The following CEP250 variants were observed in gnomAD, a reference collection of about 807,000 sequenced individuals.
CEP250 encodes centrosomal protein 250.
Under a neutral mutation model 315.7 loss-of-function variants are expected in CEP250, and 242 were observed. The observed-to-expected ratio is 0.77, with a 90% CI of 0.69 to 0.85. The LOEUF is 0.85. CEP250 is among the 40% of genes least tolerant of loss of function. CEP250 has a pLI of 0.00. For synonymous variants in CEP250, 1,088 were observed against 1,175.0 expected (o/e 0.93, Z 1.51); for missense variants, 2,515 against 2,886.4 (o/e 0.87, Z 2.95).
At chr20:35,487,586 C>CTGAATGCTTTATT (rs1201496911) in intron 20 of CEP250, among the ~76,000 whole-genome samples, 4 of 152,054 alleles carry the variant, frequency 2.6e-5, no homozygotes, top group African/African-American at 9.7e-5. Flanking sequence ...CCTCCCCATG[C>CTGAATGCTTTATT]CAAGCACCAT....
At chr20:35,470,719 C>G (rs2063004777) in intron 10 of CEP250, among the ~76,000 whole-genome samples, 1 of 152,180 alleles carries the variant, frequency 6.6e-6, no homozygotes, top group Non-Finnish European at 1.5e-5. Flanking sequence ...TGCCATTGCA[C>G]TACAGCCTGG....
Position 35,462,549 on chromosome 20 carries a change from C to A in CEP250, c.182C>A (p.Ala61Asp), listed in dbSNP as rs1219310936. ...GCAACCCTTGTGAGGAAGCTGCAGG[C>A]CAAGGTGAGGCAGCTGCCCTTTTGG... is the stretch of plus-strand genomic sequence containing the variant. ...RQATLVRKLQAKVLQYRSWCQ... is the reference protein window; with the variant it reads ...RQATLVRKLQDKVLQYRSWCQ... The change falls in exon 4 of 35, where the codon GCC (alanine) becomes GAC (aspartate). Residue 61 changes from alanine to aspartate, a missense_variant. By Grantham distance (126) the Ala-to-Asp change is moderately radical (BLOSUM62 -2). Coordinates refer to ENST00000397527, the MANE Select transcript of CEP250 (RefSeq NM_007186.6). The A allele has an allele frequency of 1.3e-6, 2 of 1,599,452 alleles. No individual in the cohort carries two copies. Among genetic ancestry groups the A allele is most frequent in the Non-Finnish European group, 1.7e-6 (2 of 1,172,680 alleles).
At position 35,467,351 on chromosome 20, in the gene CEP250, T is replaced by C; in HGVS notation, c.647T>C (p.Leu216Pro). 19 of 1,614,192 alleles carry C rather than the reference T, an allele frequency of 1.2e-5. No individual in the cohort carries two copies. Among genetic ancestry groups the C allele is most frequent in the Non-Finnish European group, 1.6e-5 (19 of 1,180,014 alleles). ...GAGCATGTGAGGCTTTCAGGGTCTCTGTTGACCTGTTGTCTGCGCTTGACT... is the reference window on the plus strand; with the variant it reads ...GAGCATGTGAGGCTTTCAGGGTCTCCGTTGACCTGTTGTCTGCGCTTGACT... The part of the protein sequence containing the change: ...KAEHVRLSGS[L>P]LTCCLRLTVG... Residue 216 changes from leucine (L) to proline (P), a missense_variant, in exon 9 of 35, where the codon CTG becomes CCG. Coordinates refer to ENST00000397527, the MANE Select transcript of CEP250 (RefSeq NM_007186.6).
chr20:35,455,578 C>G (rs960593125), upstream of CEP250: 2 of 152,154 alleles, frequency 1.3e-5, no homozygotes, highest in South Asian at 2.1e-4. Context: ...CGGATTTGCA[C>G]GTAATCTATC....
At chr20:35,505,530 G>C (rs2064160528) in intron 30 of CEP250, among the ~76,000 whole-genome samples, 1 of 151,988 alleles carries the variant, frequency 6.6e-6, no homozygotes, top group Non-Finnish European at 1.5e-5. Context: ...GCATGTGCCT[G>C]TGATCCCAGC....
chr20:35,511,778 G>C lies in CEP250; in HGVS notation c.*152G>C. On this transcript the variant is annotated 3_prime_UTR_variant, in exon 35 of 35. Coordinates refer to ENST00000397527, the MANE Select transcript of CEP250 (RefSeq NM_007186.6). ...GTTCCCAGGAAGAGGAAGTAAATCT[G>C]CAACCCTGGGGAGGACCCCAACTCA... The C allele has an allele frequency of 4.2e-6, 6 of 1,423,454 alleles. No homozygotes were observed. The highest frequency in any genetic ancestry group is 5.5e-6 in the Non-Finnish European group (6 of 1,092,448). The allele number at this position is 1,423,454 out of a possible 1,614,324, so 88.2% of individuals were successfully genotyped here. A position where few individuals can be genotyped will look rare whatever the true frequency, so the allele number is the denominator to read the frequency against.
intron 20 of CEP250, among the ~76,000 whole-genome samples, chr20:35,486,946 A>T (rs956367280): frequency 1.3e-5 from 2 of 152,216 alleles, no homozygotes; most frequent in African/African-American, 2.4e-5. Flanking sequence ...CCAGCTACCT[A>T]CGTGGCCTTG....
chr20:35,501,907 AC>A lies in CEP250; in HGVS notation c.3962del (p.Thr1321IlefsTer33). The A allele has an allele frequency of 6.2e-7, 1 of 1,613,760 alleles. No homozygotes were observed. The highest frequency in any genetic ancestry group is 8.5e-7 in the Non-Finnish European group (1 of 1,180,008). ...ATCTGAGCTGATGGAACTACATGAA[AC>A]TATGGCATCCTTACAGAGTCGCCTG... is the stretch of plus-strand genomic sequence containing the variant. ...LESELMELHE[T>X]MASLQSRLRR... On this transcript the variant is annotated frameshift_variant, in exon 29 of 35. Coordinates refer to ENST00000397527, the MANE Select transcript of CEP250 (RefSeq NM_007186.6). LOFTEE classifies it high-confidence loss of function.
intron 28 of CEP250, 90 bp downstream of exon 28, chr20:35,500,259 CTGTT>C (rs2063965988): frequency 6.8e-7 from 1 of 1,479,910 alleles, no homozygotes; most frequent in African/African-American, 1.4e-5. Flanking sequence ...AGCAGCCACT[CTGTT>C]TATTTTATTT....
In CEP250 at chr20:35,508,316, TG is replaced by T. The variant is rs1800160659; in HGVS notation, c.6906+127del. The T allele has an allele frequency of 1.3e-5, 14 of 1,077,046 alleles. No homozygotes were observed. The African/African-American group carries it at 1.6e-4, about 12-fold the overall frequency. The allele number at this position is 1,077,046 out of a possible 1,614,324, so 66.7% of individuals were successfully genotyped here. A position where few individuals can be genotyped will look rare whatever the true frequency, so the allele number is the denominator to read the frequency against. ...GCTGCCTGTTTCTGAAAATTAAGTT[TG>T]TTTTTTTTTTTCCCGAGACAGAGTC... On this transcript the variant is annotated intron_variant, in intron 32 of 34. Coordinates refer to ENST00000397527, the MANE Select transcript of CEP250 (RefSeq NM_007186.6).
At position 35,479,683 on chromosome 20, in the gene CEP250, GC is replaced by G. The variant is rs2063285445; in HGVS notation, c.2329del (p.Gln777AsnfsTer6). The G allele has an allele frequency of 6.2e-7, 1 of 1,614,190 alleles. No individual in the cohort carries two copies. ...GCTACTGGAGAGCAGTCTGTTTGAA[GC>G]CCAACAACAAAATTCTGTGATAGAG... Reference protein sequence around the residue: ...KELLESSLFEAQQQNSVIEVT... With the variant: ...KELLESSLFEXQQQNSVIEVT... On this transcript the variant is annotated frameshift_variant, in exon 19 of 35. Coordinates refer to ENST00000397527, the MANE Select transcript of CEP250 (RefSeq NM_007186.6). LOFTEE classifies it high-confidence loss of function.
intron 32 of CEP250, 148 bp from the exon 33 acceptor site, chr20:35,508,793 TAG>T: frequency 1.5e-6 from 1 of 653,762 alleles, no homozygotes; most frequent in Non-Finnish European, 2.7e-6. Context: ...AGGCCTGCCC[TAG>T]CTGTGCCTTC....
chr20:35,510,401 C>G (rs922376384), intron 34 of CEP250, among the ~76,000 whole-genome samples: 2 of 152,164 alleles, frequency 1.3e-5, no homozygotes, highest in Admixed American at 1.3e-4. Context: ...TGCCAGTGCC[C>G]CAGACAGAGG....
At position 35,494,641 on chromosome 20, in the gene CEP250, G is replaced by A. The variant is rs2063787169; in HGVS notation, c.3151G>A (p.Glu1051Lys). 1.2e-6 allele frequency: 2 copies of A among 1,613,972 alleles called. No homozygotes were observed. Among genetic ancestry groups the A allele is most frequent in the Non-Finnish European group, 1.7e-6 (2 of 1,179,986 alleles). The change falls in exon 24 of 35, where the codon GAG (glutamate) becomes AAG (lysine). Residue 1051 changes from glutamate (E) to lysine (K), a missense_variant. Transcript: ENST00000397527. ...QEYNRIQKEL[E>K]REKASLTLSL... ...GTATAACCGAATTCAGAAGGAGCTGGAGAGAGAGAAAGCCAGGTAGGCTAG... is the reference window on the plus strand; with the variant it reads ...GTATAACCGAATTCAGAAGGAGCTGAAGAGAGAGAAAGCCAGGTAGGCTAG...
chr20:35,482,506 T>C (rs1474243936), intron 20 of CEP250, among the ~76,000 whole-genome samples: 2 of 152,134 alleles, frequency 1.3e-5, no homozygotes, highest in African/African-American at 4.8e-5. Flanking sequence ...CCCAAAGTGC[T>C]GGGATTACAG....
chr20:35,470,646 G>A (rs1297373057), intron 10 of CEP250, among the ~76,000 whole-genome samples: 10 of 152,156 alleles, frequency 6.6e-5, no homozygotes, highest in Non-Finnish European at 1.0e-4. Flanking sequence ...CCAGCTGCTC[G>A]GGAGGCTGAG....
Position 35,504,809 on chromosome 20 carries a change from G to GGCTGCAGCGGGA in CEP250, c.6445_6456dup (p.Gln2149_Leu2152dup). On this transcript the variant is annotated inframe_insertion, in exon 30 of 35. Transcript: ENST00000397527. ...CTAAAACTTGATTCTTTAGAGCCCA[G>GGCTGCAGCGGGA]GCTGCAGCGGGAGCTGGAGCGGCTA... The GGCTGCAGCGGGA allele has an allele frequency of 6.2e-7, 1 of 1,614,214 alleles. No homozygotes were observed.
chr20:35,516,573 G>C lies in CEP250; in HGVS notation c.*4947G>C, dbSNP rs2064437658. On this transcript the variant is annotated 3_prime_UTR_variant, in exon 35 of 35. Transcript: ENST00000397527. ...CTCCATTACCTGGTGAATGAGATTG[G>C]CTAGCTGCTGCTCCTGCCCCAGCTA... The C allele has an allele frequency of 6.6e-6, 1 of 152,244 alleles. No homozygotes were observed. The highest frequency in any genetic ancestry group is 1.5e-5 in the Non-Finnish European group (1 of 68,060). The allele number at this position is 152,244 out of a possible 1,614,324, so 9.4% of individuals were successfully genotyped here.
chr20:35,476,748 A>G (rs746522238), intron 16 of CEP250, 153 bp downstream of exon 16: 18 of 616,566 alleles, frequency 2.9e-5, no homozygotes, highest in Non-Finnish European at 4.6e-5. Context: ...TAGCCATTAT[A>G]AATATTCCCC....
Sources: allele counts gnomAD v4.1 joint callset (sites outside exome capture counted in the v4.1 genomes callset), GRCh38; gene constraint gnomAD v4.1.1; transcripts MANE v1.5; gene names NCBI Gene and HGNC (gene_info 2026-07-23, HGNC 2026-07-21).